CLDN16: variants seen among roughly 807,000 people sequenced by gnomAD.
CLDN16 encodes the protein claudin-16.
Under a neutral mutation model 24.6 loss-of-function variants are expected in CLDN16, and 13 were observed. The observed-to-expected ratio is 0.53, with a 90% confidence interval of 0.34 to 0.84. The LOEUF (loss-of-function observed/expected upper bound fraction) is 0.84, where lower values mean the gene tolerates loss of function less well. Among genes scored for constraint, CLDN16 ranks in the 40% least tolerant of loss-of-function variants. The probability of loss-of-function intolerance (pLI) is 0.01; values close to 1 mark genes in which losing one functional copy is unlikely to be tolerated. For missense variants in CLDN16, 298 were observed against 292.7 expected (o/e 1.02, Z -0.13); for synonymous variants, 116 against 106.7 (o/e 1.09, Z -0.54).
intron 1 of CLDN16, among the ~76,000 whole-genome samples, chr3:190,337,711 T>C (rs1232077523): frequency 6.6e-6 from 1 of 152,200 alleles, no homozygotes; most frequent in Non-Finnish European, 1.5e-5. Flanking sequence ...TCCTGAGTAG[T>C]AGTGACACAC....
chr3:190,344,264 AACT>A (rs757197281), intron 1 of CLDN16, among the ~76,000 whole-genome samples: 16 of 152,112 alleles, frequency 1.1e-4, no homozygotes, highest in Non-Finnish European at 1.9e-4. Flanking sequence ...ATCTCTGAAT[AACT>A]TCTTAAAATT....
the CLDN16 span, among the ~76,000 whole-genome samples, chr3:190,316,884 T>G: frequency 5.3e-5 from 8 of 152,230 alleles, no homozygotes; most frequent in Non-Finnish European, 1.2e-4. Flanking sequence ...TGCTAAAATC[T>G]TGCTACTAAA....
At chr3:190,294,536 G>A in the CLDN16 span, among the ~76,000 whole-genome samples, 3 of 151,946 alleles carry the variant, frequency 2.0e-5, no homozygotes, top group Non-Finnish European at 4.4e-5. Flanking sequence ...AGTTTTAAAA[G>A]CCAGTAATAA....
At chr3:190,391,112 T>C (rs921447217) in intron 1 of CLDN16, among the ~76,000 whole-genome samples, 2 of 151,652 alleles carry the variant, frequency 1.3e-5, no homozygotes, top group Non-Finnish European at 2.9e-5. Flanking sequence ...TGGACAAAAG[T>C]CAACGAAACA....
chr3:190,348,142 C>A lies in CLDN16; in HGVS notation n.122-22751C>A, dbSNP rs138523984. 3.0e-4 allele frequency among the ~76,000 whole-genome samples: 45 copies of A among 149,436 alleles called. 1 individual carries two copies. In the East Asian group the frequency reaches 6.7e-3, roughly 22 times the overall value. ...CGGTGGCACTTGCCTGTAATCCCAG[C>A]TACTCGGGCGGCTGAGGCAGGAGAA... On this transcript the variant is annotated intron_variant and non_coding_transcript_variant, in intron 1 of 4. Transcript: ENST00000468220.
At chr3:190,366,669 A>T (rs1454126362) in intron 1 of CLDN16, among the ~76,000 whole-genome samples, 1 of 151,864 alleles carries the variant, frequency 6.6e-6, no homozygotes, top group African/African-American at 2.4e-5. Flanking sequence ...GTTTGGGATG[A>T]CCCTTCAGAG....
At chr3:190,342,795 A>G (rs1410561465) in intron 1 of CLDN16, among the ~76,000 whole-genome samples, 1 of 152,210 alleles carries the variant, frequency 6.6e-6, no homozygotes, top group Non-Finnish European at 1.5e-5. Flanking sequence ...CTTCCAGCAC[A>G]CACAAAAATT....
chr3:190,391,085 T>G (rs1444615331), intron 1 of CLDN16, among the ~76,000 whole-genome samples: 1 of 152,088 alleles, frequency 6.6e-6, no homozygotes, highest in Non-Finnish European at 1.5e-5. Flanking sequence ...CCACAGCAGC[T>G]CACTTTAATC....
Position 190,408,349 on chromosome 3 carries a change from G to C in CLDN16, c.418G>C (p.Val140Leu), listed in dbSNP as rs1376923358. ...PGIIGSVWYA[V>L]DVYVERSTLV... ...AATCATTGGCTCTGTGTGGTATGCTGTTGATGTGTATGTGGAACGTTCTAC... is the reference window on the plus strand; with the variant it reads ...AATCATTGGCTCTGTGTGGTATGCTCTTGATGTGTATGTGGAACGTTCTAC... The change falls in exon 4 of 5, where the codon GTT (valine) becomes CTT (leucine). Residue 140 changes from valine to leucine, a missense_variant. Val to Leu is a conservative substitution (Grantham distance 32). Transcript: ENST00000264734. 1.9e-6 allele frequency: 3 copies of C among 1,614,122 alleles called. No individual in the cohort carries two copies. Among genetic ancestry groups the C allele is most frequent in the South Asian group, 1.1e-5 (1 of 91,078 alleles).
intron 3 of CLDN16, among the ~76,000 whole-genome samples, chr3:190,380,864 T>A (rs1161434988): frequency 6.6e-6 from 1 of 152,048 alleles, no homozygotes; most frequent in Non-Finnish European, 1.5e-5. Context: ...TGAAGTTGCT[T>A]CCCCTTATTG....
At chr3:190,335,291 G>A (rs1301694756) in intron 1 of CLDN16, among the ~76,000 whole-genome samples, 2 of 151,852 alleles carry the variant, frequency 1.3e-5, no homozygotes, top group South Asian at 4.2e-4. Context: ...TGATCCTCTC[G>A]CCTCTGCCTC....
At chr3:190,307,381 A>C in the CLDN16 span, 5 of 152,208 alleles carry the variant, frequency 3.3e-5, no homozygotes, top group Non-Finnish European at 5.9e-5. Flanking sequence ...AAATTCAATC[A>C]ATAAAGTTGT....
At chr3:190,366,872 G>C (rs570952900) in intron 1 of CLDN16, among the ~76,000 whole-genome samples, 23 of 151,604 alleles carry the variant, frequency 1.5e-4, no homozygotes, top group Non-Finnish European at 2.8e-4. Context: ...TCCTGCAGAG[G>C]GATTTCAGAA....
intron 2 of CLDN16, 105 bp from the exon 3 acceptor site, chr3:190,404,657 G>A: frequency 1.9e-6 from 2 of 1,049,676 alleles, no homozygotes; most frequent in Non-Finnish European, 3.0e-6. Flanking sequence ...TTACCGGAGG[G>A]GTGTGTTAAT....
At chr3:190,366,686 C>T (rs754251399) in intron 1 of CLDN16, among the ~76,000 whole-genome samples, 14 of 151,972 alleles carry the variant, frequency 9.2e-5, no homozygotes, top group Non-Finnish European at 1.9e-4. Context: ...AGAGTTGACC[C>T]AAACTGGGGG....
chr3:190,361,238 C>G (rs1030945503), intron 1 of CLDN16, among the ~76,000 whole-genome samples: 1 of 151,960 alleles, frequency 6.6e-6, no homozygotes, highest in Non-Finnish European at 1.5e-5. Flanking sequence ...TTTGTAAATG[C>G]CCATTAGCAA....
rs1491994 is a variant in CLDN16 at position 190,388,453 on chromosome 3, T to C, written c.114+10T>C. 0.22 allele frequency: 352,082 copies of C among 1,612,088 alleles called. 41,175 individuals carry two copies. Among genetic ancestry groups the C allele is most frequent in the Middle Eastern group, 0.27 (1,643 of 6,056 alleles). The stretch of plus-strand genomic sequence containing the variant: ...TGATGACTCTCTGGAGGTAAGAAGA[T>C]AGCAGCTTCTTTTCATGATCCAGGC... On this transcript the variant is annotated intron_variant, in intron 1 of 4. Transcript: ENST00000264734.
exon 1 of CLDN16, chr3:190,322,569 G>C (rs1716960526): frequency 3.2e-6 from 1 of 310,200 alleles, no homozygotes; most frequent in Non-Finnish European, 6.1e-6. Flanking sequence ...CCCGGTTGGG[G>C]AACGCGCGGC....
At chr3:190,349,050 T>C (rs898578205) in intron 1 of CLDN16, among the ~76,000 whole-genome samples, 15 of 152,230 alleles carry the variant, frequency 9.9e-5, no homozygotes, top group Non-Finnish European at 1.0e-4. Context: ...CCACATTTTC[T>C]TTATCCAGTC....
Sources: gnomAD v4.1 joint callset for allele counts (sites outside exome capture counted in the v4.1 genomes callset) on GRCh38, gnomAD v4.1.1 for gene constraint, MANE v1.5 for transcripts, NCBI Gene and HGNC (gene_info 2026-07-23, HGNC 2026-07-21) for gene names.